Variants in ADAMTS2 observed in about 807,000 individuals in gnomAD.
ADAMTS2 encodes the protein A disintegrin and metalloproteinase with thrombospondin motifs 2.
Under a neutral mutation model 123.0 loss-of-function variants are expected in ADAMTS2, and 50 were observed. The observed-to-expected ratio is 0.41, with a 90% CI of 0.32 to 0.51. The LOEUF (loss-of-function observed/expected upper bound fraction) is 0.51. Among genes scored for constraint, ADAMTS2 ranks in the 20% least tolerant of loss-of-function variants. The probability of loss-of-function intolerance (pLI) is 0.35; values close to 1 mark genes in which losing one functional copy is unlikely to be tolerated. For missense variants in ADAMTS2, 1,494 were observed against 1,705.2 expected, an observed-to-expected ratio of 0.88 and a Z score of 2.18; for synonymous variants, 678 against 695.4, an observed-to-expected ratio of 0.98 and a Z score of 0.39.
At chr5:179,196,239 G>C (rs1707455886) in intron 4 of ADAMTS2, among the ~76,000 whole-genome samples, 2 of 151,964 alleles carry the variant, frequency 1.3e-5, no homozygotes, top group Non-Finnish European at 2.9e-5. Flanking sequence ...GGCATAGAGA[G>C]AAATCATTCA....
chr5:179,138,778 G>A (rs561824346), intron 11 of ADAMTS2, among the ~76,000 whole-genome samples: 6 of 152,308 alleles, frequency 3.9e-5, no homozygotes, highest in Non-Finnish European at 8.8e-5. Flanking sequence ...CCGCGGAGCC[G>A]TGACTGCGGG....
At position 179,129,047 on chromosome 5, in the gene ADAMTS2, C is replaced by T. The variant is rs1561769265; in HGVS notation, c.2457+885G>A. On this transcript the variant is annotated intron_variant, in intron 16 of 21. Transcript: ENST00000251582. This position sits in a 1 kb window ranked among gnomAD's most constrained non-coding sequence, Gnocchi z 4.1. ...GGGAACACGTGTGGCAGGCGACTCA[C>T]ACTTCACCACTCTGTGCGTGTCCGT... Among the ~76,000 whole-genome samples, 1 of 152,186 alleles carries T rather than the reference C, an allele frequency of 6.6e-6. No individual in the cohort carries two copies. Among genetic ancestry groups the T allele is most frequent in the Non-Finnish European group, 1.5e-5 (1 of 68,030 alleles).
Position 179,345,130 on chromosome 5 carries a change from C to A in ADAMTS2, c.139+60G>T. ...GACGCCTGGGGAGGGGGCGGCGGGG[C>A]ACGCGGGACAGGGCCAGGCCGGCGG... On this transcript the variant is annotated intron_variant, in intron 1 of 21. Transcript: ENST00000251582. The surrounding 1 kb of genome is among the most constrained non-coding windows in gnomAD (Gnocchi z 7.5). 1 of 1,049,580 alleles carries A rather than the reference C, an allele frequency of 9.5e-7. No homozygotes were observed. The highest frequency in any genetic ancestry group is 1.2e-6 in the Non-Finnish European group (1 of 867,940). The allele number at this position is 1,049,580 out of a possible 1,614,324, so 65.0% of individuals were successfully genotyped here. A position where few individuals can be genotyped will look rare whatever the true frequency, so the allele number is the denominator to read the frequency against.
intron 17 of ADAMTS2, among the ~76,000 whole-genome samples, chr5:179,126,333 G>A (rs1185714527): frequency 6.6e-6 from 1 of 152,140 alleles, no homozygotes. Context: ...GAGGGCAGGA[G>A]AGGCCATTTT....
intron 3 of ADAMTS2, among the ~76,000 whole-genome samples, chr5:179,221,085 G>C (rs1479009173): frequency 6.6e-6 from 1 of 152,134 alleles, no homozygotes; most frequent in Non-Finnish European, 1.5e-5. Context: ...CTGATTGTGG[G>C]ACCTGGGGCA....
chr5:179,114,103 GCC>G lies in ADAMTS2; in HGVS notation c.3398_3399del (p.Arg1133ProfsTer30). 1.2e-6 allele frequency: 2 copies of G among 1,614,056 alleles called. No homozygotes were observed. Among genetic ancestry groups the G allele is most frequent in the Non-Finnish European group, 1.7e-6 (2 of 1,179,986 alleles). ...LPVPTVAMEVRPSPSTPLEVP... is the reference protein window; with the variant it reads ...LPVPTVAMEVXPSPSTPLEVP... Reference sequence around the variant, plus strand: ...ACCTCCAGGGGGGTGCTTGGTGATGGCCGCACCTCCATGGCTACAGTGGGCAC... The same window carrying G: ...ACCTCCAGGGGGGTGCTTGGTGATGGGCACCTCCATGGCTACAGTGGGCAC... On this transcript the variant is annotated frameshift_variant, in exon 22 of 22. Transcript: ENST00000251582. LOFTEE classifies it high-confidence loss of function.
Position 179,202,370 on chromosome 5 carries a change from A to G in ADAMTS2, c.891+5143T>C, listed in dbSNP as rs1764588179. 6.6e-6 allele frequency among the ~76,000 whole-genome samples: 1 copy of G among 150,750 alleles called. No homozygotes were observed. The highest frequency in any genetic ancestry group is 2.4e-5 in the African/African-American group (1 of 41,014). Reference sequence around the variant, plus strand: ...GTTGTCGTGAGCCTCTGCTCCCGTGATATCTCCAGTGCACCAGCCCCTGAG... The same window carrying G: ...GTTGTCGTGAGCCTCTGCTCCCGTGGTATCTCCAGTGCACCAGCCCCTGAG... On this transcript the variant is annotated intron_variant, in intron 4 of 21. Transcript: ENST00000251582. This position sits in a 1 kb window ranked among gnomAD's most constrained non-coding sequence, Gnocchi z 4.0.
chr5:179,315,044 C>A (rs543146419), intron 2 of ADAMTS2, among the ~76,000 whole-genome samples: 136 of 151,006 alleles, frequency 9.0e-4, no homozygotes, highest in African/African-American at 2.9e-3. Flanking sequence ...ACCCACCCCC[C>A]CCACAATCCC....
Position 179,323,079 on chromosome 5 carries a change from C to T in ADAMTS2, c.534+20688G>A, listed in dbSNP as rs376877612. Among the ~76,000 whole-genome samples, 7 of 152,350 alleles carry T rather than the reference C, an allele frequency of 4.6e-5. No homozygotes were observed. In the East Asian group the frequency reaches 9.6e-4, roughly 21 times the overall value. ...GACAGTCTCCACAAAACCAAGGAGC[C>T]CTCACCTGTCTCATGGCTGGCAGGG... On this transcript the variant is annotated intron_variant, in intron 2 of 21. Transcript: ENST00000251582.
chr5:179,183,070 G>T (rs1304360475), intron 4 of ADAMTS2, among the ~76,000 whole-genome samples: 1 of 152,176 alleles, frequency 6.6e-6, no homozygotes, highest in Non-Finnish European at 1.5e-5. Context: ...ACAATGAAAC[G>T]GTTTTTCATT....
chr5:179,122,884 G>A (rs928374665), intron 19 of ADAMTS2, 111 bp from the exon 20 acceptor site: 54 of 1,492,194 alleles, frequency 3.6e-5, no homozygotes, highest in Middle Eastern at 1.8e-4. Flanking sequence ...TCAGGAGGAG[G>A]TGTGGGACAG....
chr5:179,201,631 CAAA>C (rs58141791), intron 4 of ADAMTS2, among the ~76,000 whole-genome samples: 4 of 91,898 alleles, frequency 4.4e-5, no homozygotes, highest in African/African-American at 1.8e-4. Context: ...ACTAAAAATA[CAAA>C]AAAAAAAAAA....
chr5:179,117,979 G>A lies in ADAMTS2; in HGVS notation c.3179-3655C>T, dbSNP rs745779602. ...TTGACTGATCGTGGGTCAAGTGCAC[G>A]CCTAGGTCAGAGCCATGCACGAGAA... On this transcript the variant is annotated intron_variant, in intron 21 of 21. Transcript: ENST00000251582. This position sits in a 1 kb window ranked among gnomAD's most constrained non-coding sequence, Gnocchi z 4.2. 1.3e-5 allele frequency among the ~76,000 whole-genome samples: 2 copies of A among 152,126 alleles called. No homozygotes were observed. Among genetic ancestry groups the A allele is most frequent in the African/African-American group, 2.4e-5 (1 of 41,424 alleles).
rs192842732 is a variant in ADAMTS2, at chr5:179,214,181, G to T, written c.689-6466C>A. ...CACATTAGGACACAACTCAAAAATC[G>T]TGCTCACAGTCACCATTACTGAGAC... On this transcript the variant is annotated intron_variant, in intron 3 of 21. Coordinates refer to ENST00000251582, the MANE Select transcript of ADAMTS2 (RefSeq NM_014244.5). 5.3e-5 allele frequency among the ~76,000 whole-genome samples: 5 copies of T among 93,940 alleles called. No individual in the cohort carries two copies. In the East Asian group the frequency reaches 1.2e-3, roughly 22 times the overall value. 61.6% of individuals were successfully genotyped at this position (93,940 alleles called of 152,430 possible).
intron 5 of ADAMTS2, among the ~76,000 whole-genome samples, chr5:179,166,688 G>A (rs1331929633): frequency 3.3e-5 from 5 of 152,222 alleles, no homozygotes; most frequent in South Asian, 2.1e-4. Flanking sequence ...CTCCTCCTGC[G>A]TGCGATCGGT....
intron 2 of ADAMTS2, among the ~76,000 whole-genome samples, chr5:179,338,172 A>G (rs1057413682): frequency 1.3e-5 from 2 of 152,124 alleles, no homozygotes; most frequent in African/African-American, 4.8e-5. Flanking sequence ...TCCGGCTGAG[A>G]CCAGTGCTGA....
In ADAMTS2 at chr5:179,273,062, A is replaced by G; in HGVS notation, c.537T>C (p.Ala179=). The G allele has an allele frequency of 6.2e-7, 1 of 1,613,628 alleles. No homozygotes were observed. Among genetic ancestry groups the G allele is most frequent in the Non-Finnish European group, 8.5e-7 (1 of 1,180,036 alleles). Residue 179 remains alanine, a splice_region_variant and synonymous_variant, in exon 3 of 22, where the codon GCT becomes GCC. Transcript: ENST00000251582. ...CCTCCTCCTCCATCCGGATCAGACC[A>G]GCCTGCGGGACAAAGACAACAGGAT... The part of the protein sequence containing the change: ...SVALSNCDGL[A]GLIRMEEEEF...
intron 3 of ADAMTS2, among the ~76,000 whole-genome samples, chr5:179,266,690 G>A (rs1364901427): frequency 6.6e-6 from 1 of 152,202 alleles, no homozygotes; most frequent in Non-Finnish European, 1.5e-5. Context: ...CAGCTACAGG[G>A]CAGAAAGGCT....
At chr5:179,235,746 A>G (rs573639880) in intron 3 of ADAMTS2, among the ~76,000 whole-genome samples, 23 of 152,330 alleles carry the variant, frequency 1.5e-4, no homozygotes, top group Admixed American at 3.9e-4. Flanking sequence ...ATGGTTGCCA[A>G]TAGGGTCCTC....
Sources: gnomAD v4.1 joint callset for allele counts (sites outside exome capture counted in the v4.1 genomes callset) on GRCh38, gnomAD v4.1.1 for gene constraint, Gnocchi (gnomAD v3.1) non-coding constraint, MANE v1.5 for transcripts, NCBI Gene and HGNC (gene_info 2026-07-23, HGNC 2026-07-21) for gene names.